MAPK10: variants seen among roughly 807,000 people sequenced by gnomAD.
The protein encoded by MAPK10 is JNK3 alpha protein kinase.
A neutral mutation model predicts 59.3 loss-of-function variants in MAPK10; 25 were observed. The ratio of observed to expected loss-of-function variants is 0.42; its 90% CI spans 0.31 to 0.59. The LOEUF is 0.59. Ranked by LOEUF, MAPK10 falls within the 20% of genes least tolerant of loss-of-function variation. The probability of loss-of-function intolerance (pLI) is 0.15; values close to 1 mark genes in which losing one functional copy is unlikely to be tolerated. For synonymous variants in MAPK10, 190 were observed against 200.5 expected (o/e 0.95, Z 0.44); for missense variants, 351 against 568.9 (o/e 0.62, Z 3.90).
intron 1 of MAPK10, among the ~76,000 whole-genome samples, chr4:86,479,778 T>G (rs1470052582): frequency 6.6e-6 from 1 of 152,196 alleles, no homozygotes; most frequent in Non-Finnish European, 1.5e-5. Context: ...CCTTGTCTTA[T>G]TCCATTATTT....
At chr4:86,543,696 T>C (rs1188993376) in intron 1 of MAPK10, among the ~76,000 whole-genome samples, 1 of 152,090 alleles carries the variant, frequency 6.6e-6, no homozygotes, top group African/African-American at 2.4e-5. Flanking sequence ...TAAGCACATT[T>C]GCAACCTTGG....
chr4:86,372,567 A>AGAAAGGAAG lies in MAPK10; in HGVS notation c.-121-17924_-121-17923insCTTCCTTTC, dbSNP rs1554253760. On this transcript the variant is annotated intron_variant, in intron 1 of 13. Coordinates refer to the MAPK10 transcript ENST00000361569. ...AAGAAAGAAAGAAAGAAAGAAAGAAAGAAAAGAAAAGAAAAGAAAAGAAAA... is the reference window on the plus strand; with the variant it reads ...AAGAAAGAAAGAAAGAAAGAAAGAAAGAAAGGAAGGAAAAGAAAAGAAAAGAAAAGAAAA... Among the ~76,000 whole-genome samples, 14 of 132,938 alleles carry AGAAAGGAAG rather than the reference A, an allele frequency of 1.1e-4. 1 individual carries two copies. In the East Asian group the frequency reaches 2.0e-3, roughly 19 times the overall value. 87.2% of individuals were successfully genotyped at this position (132,938 alleles called of 152,430 possible). A position where few individuals can be genotyped will look rare whatever the true frequency, so the allele number is the denominator to read the frequency against.
chr4:86,196,181 A>T (rs1033493469), intron 2 of MAPK10, among the ~76,000 whole-genome samples: 2 of 152,212 alleles, frequency 1.3e-5, no homozygotes, highest in Non-Finnish European at 2.9e-5. Flanking sequence ...TTACACTCCC[A>T]CCAACATTGT....
At chr4:86,290,538 T>C (rs74287863) in intron 2 of MAPK10, among the ~76,000 whole-genome samples, 17,219 of 152,280 alleles carry the variant, frequency 0.11, 1,060 homozygotes, top group African/African-American at 0.15. Context: ...TTTATCATTA[T>C]GTAATAAACT....
At chr4:86,451,162 T>C (rs1750660816) in intron 1 of MAPK10, among the ~76,000 whole-genome samples, 1 of 152,186 alleles carries the variant, frequency 6.6e-6, no homozygotes, top group Non-Finnish European at 1.5e-5. Flanking sequence ...GGCCAGATTC[T>C]GTTTGTAGAG....
chr4:86,194,243 C>T, intron 3 of MAPK10, 93 bp downstream of exon 3: 2 of 965,304 alleles, frequency 2.1e-6, no homozygotes, highest in Non-Finnish European at 3.3e-6. Flanking sequence ...GATATAAATA[C>T]TGACTTTGGT....
chr4:86,077,354 G>C (rs186388722), intron 9 of MAPK10, among the ~76,000 whole-genome samples: 1 of 152,056 alleles, frequency 6.6e-6, no homozygotes, highest in Admixed American at 6.6e-5. Context: ...TTTCTAAAAC[G>C]ATAATGCCTT....
intron 2 of MAPK10, among the ~76,000 whole-genome samples, chr4:86,208,734 G>T (rs1315584656): frequency 6.6e-6 from 1 of 151,874 alleles, no homozygotes; most frequent in Non-Finnish European, 1.5e-5. Flanking sequence ...TGGAAGTTCT[G>T]GCCAGGGCAA....
intron 4 of MAPK10, among the ~76,000 whole-genome samples, chr4:86,150,025 C>G (rs562256191): frequency 2.0e-5 from 3 of 152,240 alleles, no homozygotes; most frequent in African/African-American, 7.2e-5. Flanking sequence ...CCAAAGAATT[C>G]ATAATTGCAA....
intron 1 of MAPK10, among the ~76,000 whole-genome samples, chr4:86,473,816 G>A (rs1298389266): frequency 6.6e-6 from 1 of 152,174 alleles, no homozygotes; most frequent in Non-Finnish European, 1.5e-5. Flanking sequence ...TCCCAGAGAA[G>A]TGAGGTGATT....
chr4:86,150,452 A>G (rs901630021), intron 4 of MAPK10, among the ~76,000 whole-genome samples: 1 of 152,208 alleles, frequency 6.6e-6, no homozygotes, highest in Non-Finnish European at 1.5e-5. Context: ...AAGCCATTGA[A>G]ATAAAAATAA....
intron 1 of MAPK10, among the ~76,000 whole-genome samples, chr4:86,494,391 C>T (rs1031179418): frequency 2.0e-5 from 3 of 152,108 alleles, no homozygotes; most frequent in Non-Finnish European, 4.4e-5. Context: ...AGGGGACTGG[C>T]GTTCCACATG....
chr4:86,050,088 C>T (rs1042149271), intron 11 of MAPK10, among the ~76,000 whole-genome samples: 4 of 152,090 alleles, frequency 2.6e-5, no homozygotes, highest in African/African-American at 7.2e-5. Flanking sequence ...ATTGAGCAGG[C>T]TGCTTCCTTT....
intron 3 of MAPK10, among the ~76,000 whole-genome samples, chr4:86,167,235 A>G (rs1464548674): frequency 6.6e-6 from 1 of 152,198 alleles, no homozygotes; most frequent in East Asian, 1.9e-4. Flanking sequence ...ATAGCCTACC[A>G]ACCAAAAAAA....
chr4:86,179,996 A>T (rs2149279769), intron 3 of MAPK10, among the ~76,000 whole-genome samples: 1 of 152,242 alleles, frequency 6.6e-6, no homozygotes, highest in East Asian at 1.9e-4. Context: ...ATTGTATCAA[A>T]CTAAAAAGCT....
At chr4:86,109,029 T>G (rs1286703258) in intron 4 of MAPK10, among the ~76,000 whole-genome samples, 1 of 152,150 alleles carries the variant, frequency 6.6e-6, no homozygotes, top group Non-Finnish European at 1.5e-5. Context: ...GCTCTGAAAA[T>G]GTGGACCTTG....
intron 1 of MAPK10, among the ~76,000 whole-genome samples, chr4:86,514,266 A>G (rs965750825): frequency 6.6e-6 from 1 of 152,216 alleles, no homozygotes; most frequent in East Asian, 1.9e-4. Context: ...AACCCTACAC[A>G]CAAAAAATAC....
intron 4 of MAPK10, chr4:86,124,974 G>T (rs147910608): frequency 2.0e-5 from 3 of 151,806 alleles, no homozygotes; most frequent in Admixed American, 6.6e-5. Flanking sequence ...CTAAATGAAG[G>T]GGGGGAAAGC....
intron 1 of MAPK10, among the ~76,000 whole-genome samples, chr4:86,422,111 C>G (rs1350621136): frequency 6.6e-6 from 1 of 152,178 alleles, no homozygotes; most frequent in Non-Finnish European, 1.5e-5. Context: ...ATAACTTCCT[C>G]CCATCAGTTA....
Sources: allele counts gnomAD v4.1 joint callset (sites outside exome capture counted in the v4.1 genomes callset), GRCh38; gene constraint gnomAD v4.1.1; transcripts MANE v1.5; gene names NCBI Gene and HGNC (gene_info 2026-07-23, HGNC 2026-07-21).